TBC1D21: variants seen among roughly 807,000 people sequenced by gnomAD.
TBC1D21 encodes male germ cell Rab GTPase-activating protein.
Under a neutral mutation model 46.0 loss-of-function variants are expected in TBC1D21, and 38 were observed. That is an observed-to-expected ratio of 0.83 (90% CI 0.64 to 1.08). The LOEUF (loss-of-function observed/expected upper bound fraction) is 1.08, where lower values mean the gene tolerates loss of function less well. Among genes scored for constraint, TBC1D21 ranks in the 50% least tolerant of loss-of-function variants. The pLI is 0.00. For synonymous variants in TBC1D21, 151 were observed against 157.2 expected (o/e 0.96, Z 0.29); for missense variants, 415 against 417.9 (o/e 0.99, Z 0.06).
At chr15:73,901,411 G>A in the TBC1D21 span, among the ~76,000 whole-genome samples, 1 of 152,208 alleles carries the variant, frequency 6.6e-6, no homozygotes, top group South Asian at 2.1e-4. Context: ...CAGGTGAGGG[G>A]CATGCCCCCA....
rs974528836 is a variant in TBC1D21, at chr15:73,880,686, G to A, written c.61-713G>A. Among the ~76,000 whole-genome samples, 5 of 152,220 alleles carry A rather than the reference G, an allele frequency of 3.3e-5. No homozygotes were observed. The East Asian group carries it at 9.6e-4, about 29-fold the overall frequency. On this transcript the variant is annotated intron_variant, in intron 1 of 10. Coordinates refer to ENST00000300504, the MANE Select transcript of TBC1D21 (RefSeq NM_153356.3). ...CTCAGGAAGCTGAAGCAGGAGAATCGCTTGAACCTGGGAGGCAGAGGTTGC... is the reference window on the plus strand; with the variant it reads ...CTCAGGAAGCTGAAGCAGGAGAATCACTTGAACCTGGGAGGCAGAGGTTGC...
the TBC1D21 span, among the ~76,000 whole-genome samples, chr15:73,896,335 T>C: frequency 1.1e-4 from 8 of 71,320 alleles, no homozygotes; most frequent in African/African-American, 3.1e-4. Context: ...AGGAAAATAG[T>C]GACGCTGCCA....
At chr15:73,874,707 TGG>T in intron 1 of TBC1D21, among the ~76,000 whole-genome samples, 1 of 80,422 alleles carries the variant, frequency 1.2e-5, no homozygotes, top group East Asian at 4.3e-4. Flanking sequence ...TGCAGACTCT[TGG>T]GCCCCAGATC....
Position 73,876,214 on chromosome 15 carries a change from T to TGG in TBC1D21, c.60+2445_60+2446insGG, listed in dbSNP as rs1567062311. Reference sequence around the variant, plus strand: ...TTTTTTGTGGGTTTTTTTTTTTTTTTTTTTTTTTTTTTTTTTTTTTTTTTT... The same window carrying TGG: ...TTTTTTGTGGGTTTTTTTTTTTTTTTGGTTTTTTTTTTTTTTTTTTTTTTTTT... On this transcript the variant is annotated intron_variant, in intron 1 of 10. Coordinates refer to ENST00000300504, the MANE Select transcript of TBC1D21 (RefSeq NM_153356.3). 8.0e-5 allele frequency among the ~76,000 whole-genome samples: 5 copies of TGG among 62,438 alleles called. No individual in the cohort carries two copies. In the South Asian group the frequency reaches 2.6e-3, roughly 32 times the overall value. 41.0% of individuals were successfully genotyped at this position (62,438 alleles called of 152,430 possible).
Position 73,883,076 on chromosome 15 carries a change from C to T in TBC1D21, c.273-1075C>T, listed in dbSNP as rs142809341. On this transcript the variant is annotated intron_variant, in intron 3 of 10. Coordinates refer to ENST00000300504, the MANE Select transcript of TBC1D21 (RefSeq NM_153356.3). ...ATCTTCCCATCAGAGGAACGGACTCCTTTGGATTGTGGCTGCATGACTATG... is the reference window on the plus strand; with the variant it reads ...ATCTTCCCATCAGAGGAACGGACTCTTTTGGATTGTGGCTGCATGACTATG... Among the ~76,000 whole-genome samples, 395 of 152,366 alleles carry T rather than the reference C, an allele frequency of 2.6e-3. 1 individual carries two copies. Among genetic ancestry groups the T allele is most frequent in the African/African-American group, 9.1e-3 (379 of 41,590 alleles).
the TBC1D21 span, among the ~76,000 whole-genome samples, chr15:73,899,400 G>A: frequency 1.3e-3 from 201 of 152,286 alleles, no homozygotes; most frequent in African/African-American, 4.6e-3. Context: ...CCAGTCCTCC[G>A]GGTCATTCAA....
the TBC1D21 span, among the ~76,000 whole-genome samples, chr15:73,900,966 C>G: frequency 6.6e-6 from 1 of 152,178 alleles, no homozygotes; most frequent in African/African-American, 2.4e-5. Flanking sequence ...ATTATAGAAA[C>G]TGGGACTCAA....
chr15:73,875,165 C>T (rs533553475), intron 1 of TBC1D21, among the ~76,000 whole-genome samples: 3 of 151,398 alleles, frequency 2.0e-5, no homozygotes, highest in Non-Finnish European at 4.4e-5. Context: ...AGGAGAATCA[C>T]TTGAACCAGG....
chr15:73,898,880 A>AATATATATATATATATAT, the TBC1D21 span, among the ~76,000 whole-genome samples: 37 of 56,790 alleles, frequency 6.5e-4, no homozygotes, highest in Admixed American at 1.1e-3. Context: ...AAAAAAAAAA[A>AATATATATATATATATAT]ATATATATAT....
At chr15:73,889,715 A>T (rs1433651722), downstream of TBC1D21, among the ~76,000 whole-genome samples, 3 of 152,202 alleles carry the variant, frequency 2.0e-5, no homozygotes, top group Non-Finnish European at 4.4e-5. Flanking sequence ...TTGTGCCTTC[A>T]TTTATCAGCC....
At position 73,884,533 on chromosome 15, in the gene TBC1D21, A is replaced by C. The variant is rs952354132; in HGVS notation, c.368-248A>C. Among the ~76,000 whole-genome samples the C allele has an allele frequency of 2.0e-5, 3 of 152,228 alleles. No homozygotes were observed. The East Asian group carries it at 5.8e-4, about 29-fold the overall frequency. On this transcript the variant is annotated intron_variant, in intron 4 of 10. Transcript: ENST00000300504. ...GAGGTTGGATTTGAACTGGACAGAG[A>C]GGAAGGGTGGGGGAGGACATTCCTG...
At chr15:73,887,333 C>T (rs973564694) in intron 8 of TBC1D21, among the ~76,000 whole-genome samples, 2 of 152,122 alleles carry the variant, frequency 1.3e-5, no homozygotes, top group Non-Finnish European at 2.9e-5. Flanking sequence ...TGTCTTCCCA[C>T]CCCTCATTGC....
rs372139141 is a variant in TBC1D21 at position 73,887,581 on chromosome 15, C to T, written c.778-39C>T. ...ACCATCCTCAGGGCATCTGCAGTCT[C>T]AGACCACAGGGCCCAGACTGAGACG... On this transcript the variant is annotated intron_variant, in intron 8 of 10. Transcript: ENST00000300504. The T allele has an allele frequency of 1.2e-4, 186 of 1,586,740 alleles. No individual in the cohort carries two copies. In the African/African-American group the frequency reaches 2.2e-3, roughly 18 times the overall value.
intron 3 of TBC1D21, among the ~76,000 whole-genome samples, chr15:73,882,904 A>G (rs1359573452): frequency 6.6e-6 from 1 of 152,168 alleles, no homozygotes; most frequent in East Asian, 1.9e-4. Flanking sequence ...GTGAGAACGG[A>G]GCCTGTGTCT....
chr15:73,888,422 C>T lies in TBC1D21; in HGVS notation c.895-8C>T, dbSNP rs1426373113. ...CCCACCCACAACTGCTCCCACACTC[C>T]CATGCAGGCCTGCAACAACCTCATC... is the stretch of plus-strand genomic sequence containing the variant. On this transcript the variant is annotated splice_region_variant and splice_polypyrimidine_tract_variant and intron_variant, in intron 9 of 10. Coordinates refer to ENST00000300504, the MANE Select transcript of TBC1D21 (RefSeq NM_153356.3). 1 of 1,612,890 alleles carries T rather than the reference C, an allele frequency of 6.2e-7. No individual in the cohort carries two copies. The highest frequency in any genetic ancestry group is 8.5e-7 in the Non-Finnish European group (1 of 1,179,446).
intron 1 of TBC1D21, among the ~76,000 whole-genome samples, chr15:73,880,290 C>T (rs545963644): frequency 3.7e-4 from 45 of 121,034 alleles, no homozygotes; most frequent in African/African-American, 1.4e-3. Context: ...ATACACATAG[C>T]ACACAGATAT....
chr15:73,906,866 C>T, the TBC1D21 span, among the ~76,000 whole-genome samples: 1 of 152,136 alleles, frequency 6.6e-6, no homozygotes, highest in Non-Finnish European at 1.5e-5. Context: ...ACTCATTCAC[C>T]GATGTCATGT....
At chr15:73,876,411 T>TC (rs1377649163) in intron 1 of TBC1D21, among the ~76,000 whole-genome samples, 1 of 148,072 alleles carries the variant, frequency 6.8e-6, no homozygotes, top group Non-Finnish European at 1.5e-5. Context: ...TTTTTTTTTT[T>TC]TTGTATTTTT....
intron 3 of TBC1D21, among the ~76,000 whole-genome samples, chr15:73,882,130 C>T (rs1474727223): frequency 6.6e-6 from 1 of 152,132 alleles, no homozygotes; most frequent in Non-Finnish European, 1.5e-5. Context: ...GGCTGAGCTG[C>T]CTCCCGGGTC....
Sources: gnomAD v4.1 joint callset for allele counts (sites outside exome capture counted in the v4.1 genomes callset) on GRCh38, gnomAD v4.1.1 for gene constraint, MANE v1.5 for transcripts, NCBI Gene and HGNC (gene_info 2026-07-23, HGNC 2026-07-21) for gene names.